DLGAP2: variants seen among roughly 807,000 people sequenced by gnomAD.
The protein encoded by DLGAP2 is disks large-associated protein 2.
In DLGAP2, 26 loss-of-function variants were observed where a neutral mutation model predicts 100.3. The observed-to-expected ratio is 0.26, with a 90% CI of 0.19 to 0.36. The LOEUF is 0.36. DLGAP2 is among the 10% of genes least tolerant of loss of function. DLGAP2 has a pLI of 1.00. For missense variants in DLGAP2, 1,858 were observed against 1,453.2 expected (o/e 1.28, Z -4.53); for synonymous variants, 886 against 630.1 (o/e 1.41, Z -6.08).
intron 6 of DLGAP2, among the ~76,000 whole-genome samples, chr8:1,600,145 G>A (rs879605462): frequency 3.9e-5 from 6 of 152,142 alleles, no homozygotes; most frequent in Non-Finnish European, 7.3e-5. Flanking sequence ...TAGTTTGGCT[G>A]GATATGAAAA....
intron 2 of DLGAP2, among the ~76,000 whole-genome samples, chr8:986,051 G>T (rs529780748): frequency 1.3e-5 from 2 of 152,304 alleles, no homozygotes; most frequent in Non-Finnish European, 2.9e-5. Context: ...AGTATGGCTG[G>T]TTGGGAAGAA....
intron 1 of DLGAP2, among the ~76,000 whole-genome samples, chr8:851,217 G>A (rs1308017561): frequency 1.3e-5 from 2 of 152,242 alleles, no homozygotes; most frequent in African/African-American, 4.8e-5. Context: ...CCCGGGAGCT[G>A]TGGGCTGTGC....
intron 2 of DLGAP2, chr8:1,002,273 TC>T (rs1191100336): frequency 1.3e-5 from 2 of 152,120 alleles, no homozygotes; most frequent in Non-Finnish European, 2.9e-5. Context: ...AACGAACATC[TC>T]CAGGACTTCC....
intron 2 of DLGAP2, among the ~76,000 whole-genome samples, chr8:1,245,025 A>G (rs528849303): frequency 5.5e-4 from 84 of 152,350 alleles, no homozygotes; most frequent in Middle Eastern, 3.4e-3. Context: ...CAGGAAATGC[A>G]AATCAAAATA....
chr8:1,090,162 A>G (rs34319330), intron 2 of DLGAP2, among the ~76,000 whole-genome samples: 133 of 96,566 alleles, frequency 1.4e-3, no homozygotes, highest in Admixed American at 2.4e-3. Context: ...TCCTGGCCAG[A>G]CAGGGGTGGA....
chr8:1,180,431 A>G (rs1410454295), intron 2 of DLGAP2, among the ~76,000 whole-genome samples: 1 of 152,236 alleles, frequency 6.6e-6, no homozygotes, highest in Non-Finnish European at 1.5e-5. Context: ...TCTTGAGCTC[A>G]AGCAGTCCTC....
chr8:1,165,485 G>A (rs981726849), intron 2 of DLGAP2, among the ~76,000 whole-genome samples: 26 of 152,260 alleles, frequency 1.7e-4, no homozygotes, highest in Non-Finnish European at 3.2e-4. Flanking sequence ...AAAGGGCATC[G>A]CACTAATTAA....
At chr8:1,279,975 G>T (rs1432702867) in intron 3 of DLGAP2, among the ~76,000 whole-genome samples, 1 of 152,202 alleles carries the variant, frequency 6.6e-6, no homozygotes, top group Admixed American at 6.5e-5. Context: ...TGTGTCTACT[G>T]TACCAAGATG....
intron 2 of DLGAP2, chr8:1,250,594 C>T (rs11998101): frequency 5.9e-5 from 9 of 152,106 alleles, no homozygotes; most frequent in African/African-American, 1.9e-4. Context: ...GGTCCAGAAG[C>T]AATAGCTTCA....
intron 2 of DLGAP2, among the ~76,000 whole-genome samples, chr8:1,110,762 A>G (rs73524657): frequency 1.4e-5 from 2 of 140,046 alleles, no homozygotes; most frequent in Non-Finnish European, 3.0e-5. Context: ...GCAGCCCTGC[A>G]GTGGCACTGT....
rs373276760 is a variant in DLGAP2, at chr8:1,024,631, C to G, written c.73+116665C>G. On this transcript the variant is annotated intron_variant, in intron 2 of 14. Transcript: ENST00000637795. ...TACTCCCTCATGCTCTGTTGTATGA[C>G]TGGAGACAGAACTAAAACTAAAAGG... is the stretch of plus-strand genomic sequence containing the variant. Among the ~76,000 whole-genome samples, 23 of 152,302 alleles carry G rather than the reference C, an allele frequency of 1.5e-4. No homozygotes were observed. In the South Asian group the frequency reaches 4.1e-3, roughly 27 times the overall value.
At chr8:1,351,704 G>C (rs1486140241) in intron 3 of DLGAP2, among the ~76,000 whole-genome samples, 1 of 70,084 alleles carries the variant, frequency 1.4e-5, no homozygotes, top group African/African-American at 4.8e-5. Context: ...ACTGTGCGTG[G>C]AAAGGCCATG....
At chr8:1,310,783 G>T (rs1278135107) in intron 3 of DLGAP2, among the ~76,000 whole-genome samples, 1 of 152,028 alleles carries the variant, frequency 6.6e-6, no homozygotes, top group African/African-American at 2.4e-5. Context: ...TCAGCCTCCT[G>T]AGTAGCTGGG....
intron 2 of DLGAP2, among the ~76,000 whole-genome samples, chr8:1,193,980 G>T (rs564054601): frequency 3.3e-5 from 5 of 152,162 alleles, no homozygotes; most frequent in Admixed American, 1.3e-4. Context: ...GAAGGAAGTC[G>T]TAGTATCTGA....
chr8:1,688,749 T>G (rs1799177151), intron 12 of DLGAP2, among the ~76,000 whole-genome samples: 1 of 151,962 alleles, frequency 6.6e-6, no homozygotes, highest in African/African-American at 2.4e-5. Context: ...CAGGAGAAAA[T>G]CACTTTGAAG....
At chr8:1,676,640 C>T (rs759889581) in intron 11 of DLGAP2, 22 bp downstream of exon 11, 45 of 1,602,434 alleles carry the variant, frequency 2.8e-5, no homozygotes, top group Non-Finnish European at 2.3e-5. Flanking sequence ...CCTCCTGACA[C>T]GCGGTGACCC....
chr8:1,124,817 A>G (rs1175061414), intron 2 of DLGAP2, among the ~76,000 whole-genome samples: 1 of 152,202 alleles, frequency 6.6e-6, no homozygotes, highest in African/African-American at 2.4e-5. Flanking sequence ...TTTAGTGGGT[A>G]GAAGCCAGTC....
At position 1,706,388 on chromosome 8, in the gene DLGAP2, T is replaced by G. The variant is rs1163603823; in HGVS notation, c.*4982T>G. 6.6e-6 allele frequency: 1 copy of G among 152,210 alleles called. No homozygotes were observed. The highest frequency in any genetic ancestry group is 1.5e-5 in the Non-Finnish European group (1 of 68,052). The allele number at this position is 152,210 out of a possible 1,614,324, so 9.4% of individuals were successfully genotyped here. A position where few individuals can be genotyped will look rare whatever the true frequency, so the allele number is the denominator to read the frequency against. ...CTCCTGGGAACAGGTGGTGAAAGTGTGCGTTACTGCTAAGGATTAGTCCCT... is the reference window on the plus strand; with the variant it reads ...CTCCTGGGAACAGGTGGTGAAAGTGGGCGTTACTGCTAAGGATTAGTCCCT... On this transcript the variant is annotated 3_prime_UTR_variant, in exon 15 of 15. Coordinates refer to ENST00000637795, the MANE Select transcript of DLGAP2 (RefSeq NM_001346810.2).
chr8:766,541 A>G (rs1188549135), intron 1 of DLGAP2, among the ~76,000 whole-genome samples: 2 of 152,150 alleles, frequency 1.3e-5, no homozygotes, highest in Non-Finnish European at 1.5e-5. Context: ...GCCTTTATCA[A>G]TGTGTCCGGC....
Sources: gnomAD v4.1 joint callset for allele counts (sites outside exome capture counted in the v4.1 genomes callset) on GRCh38, gnomAD v4.1.1 for gene constraint, MANE v1.5 for transcripts, NCBI Gene and HGNC (gene_info 2026-07-23, HGNC 2026-07-21) for gene names.